TAF1B: variants seen among roughly 807,000 people sequenced by gnomAD.
TAF1B encodes TATA-box binding protein associated factor, RNA polymerase I subunit B.
In TAF1B, 61 loss-of-function variants were observed where a neutral mutation model predicts 83.9. The ratio of observed to expected loss-of-function variants is 0.73; its 90% CI spans 0.59 to 0.90. The LOEUF (loss-of-function observed/expected upper bound fraction) is 0.90. Ranked by LOEUF, TAF1B falls within the 40% of genes least tolerant of loss-of-function variation. The pLI, the probability that TAF1B is intolerant of heterozygous loss-of-function variation, is 0.00. For synonymous variants in TAF1B, 221 were observed against 224.6 expected (o/e 0.98, Z 0.14); for missense variants, 625 against 677.0 (o/e 0.92, Z 0.85).
At chr2:9,905,055 A>T in intron 9 of TAF1B, 49 bp downstream of exon 9, 1 of 1,522,034 alleles carries the variant, frequency 6.6e-7, no homozygotes, top group Non-Finnish European at 9.0e-7. Flanking sequence ...GTAGAGTAAT[A>T]ATAAGCAGAG....
intron 8 of TAF1B, among the ~76,000 whole-genome samples, chr2:9,896,620 CAAA>C (rs71391108): frequency 6.3e-4 from 42 of 66,518 alleles, no homozygotes; most frequent in Middle Eastern, 0.01. Flanking sequence ...ATCTAAAAAC[CAAA>C]AAAAAAAAAA....
At chr2:9,862,630 GAC>G (rs1286033529) in intron 5 of TAF1B, among the ~76,000 whole-genome samples, 2 of 152,108 alleles carry the variant, frequency 1.3e-5, no homozygotes, top group Non-Finnish European at 2.9e-5. Flanking sequence ...GCAACTCCAA[GAC>G]ACATAATTGT....
chr2:9,933,012 T>G (rs1666264578), intron 14 of TAF1B, among the ~76,000 whole-genome samples: 1 of 152,248 alleles, frequency 6.6e-6, no homozygotes. Flanking sequence ...GTGTGCCGTT[T>G]GCTAAGACCA....
intron 7 of TAF1B, 150 bp from the exon 8 acceptor site, chr2:9,882,556 A>T (rs986098479): frequency 1.0e-5 from 5 of 477,844 alleles, no homozygotes; most frequent in Non-Finnish European, 1.8e-5. Context: ...AATAGATATG[A>T]TTAGATTTAT....
At chr2:9,859,737 A>T (rs1380329482) in intron 5 of TAF1B, among the ~76,000 whole-genome samples, 1 of 152,072 alleles carries the variant, frequency 6.6e-6, no homozygotes, top group African/African-American at 2.4e-5. Context: ...GAATTTCCAA[A>T]CTTTCTTTCA....
intron 8 of TAF1B, among the ~76,000 whole-genome samples, chr2:9,886,338 G>A (rs1013922505): frequency 3.3e-5 from 5 of 152,206 alleles, no homozygotes; most frequent in African/African-American, 9.6e-5. Flanking sequence ...AGCTATACTC[G>A]CTCCTTCATT....
chr2:9,930,929 T>C (rs1666191046), intron 14 of TAF1B, among the ~76,000 whole-genome samples: 1 of 152,224 alleles, frequency 6.6e-6, no homozygotes, highest in South Asian at 2.1e-4. Flanking sequence ...GTAATGGCCT[T>C]CTTTATTTCT....
intron 5 of TAF1B, among the ~76,000 whole-genome samples, chr2:9,854,717 TA>T (rs2125137208): frequency 6.6e-6 from 1 of 152,380 alleles, no homozygotes; most frequent in Admixed American, 6.5e-5. Flanking sequence ...TCTATCACTG[TA>T]CTATTAAAAT....
chr2:9,865,341 T>A (rs1663935434), intron 5 of TAF1B, among the ~76,000 whole-genome samples: 1 of 152,212 alleles, frequency 6.6e-6, no homozygotes, highest in Non-Finnish European at 1.5e-5. Context: ...CCATTCACAG[T>A]TGCTTCAAAG....
intron 4 of TAF1B, among the ~76,000 whole-genome samples, chr2:9,854,024 A>C (rs1050086477): frequency 2.0e-5 from 3 of 152,160 alleles, no homozygotes; most frequent in African/African-American, 7.2e-5. Flanking sequence ...GGCAGGTAAG[A>C]ATACATTTAG....
intron 6 of TAF1B, among the ~76,000 whole-genome samples, chr2:9,870,420 G>T (rs1215723695): frequency 6.6e-6 from 1 of 152,158 alleles, no homozygotes; most frequent in African/African-American, 2.4e-5. Context: ...CCAGGAGGTC[G>T]AGGCTGTAGT....
At chr2:9,926,525 G>T (rs1259781445) in intron 14 of TAF1B, among the ~76,000 whole-genome samples, 1 of 152,162 alleles carries the variant, frequency 6.6e-6, no homozygotes, top group Non-Finnish European at 1.5e-5. Flanking sequence ...TAGCCTATAT[G>T]TTGATGTAGT....
intron 8 of TAF1B, among the ~76,000 whole-genome samples, chr2:9,891,026 C>T (rs1664856482): frequency 6.6e-6 from 1 of 152,232 alleles, no homozygotes; most frequent in Admixed American, 6.5e-5. Flanking sequence ...CCCGCCTCAG[C>T]CTCCCCAAGT....
At chr2:9,866,963 C>T (rs1663999909) in intron 5 of TAF1B, among the ~76,000 whole-genome samples, 1 of 152,030 alleles carries the variant, frequency 6.6e-6, no homozygotes, top group African/African-American at 2.4e-5. Context: ...GGAGGGATAG[C>T]ATTAGGAGAT....
At chr2:9,849,608 A>G in intron 3 of TAF1B, 148 bp downstream of exon 3, 2 of 496,038 alleles carry the variant, frequency 4.0e-6, no homozygotes, top group Non-Finnish European at 6.8e-6. Flanking sequence ...CTATGTCTGT[A>G]TTCATTGTGG....
rs115028297 is a variant in TAF1B, at chr2:9,899,076, T to G, written c.808-5783T>G. 3.2e-3 allele frequency among the ~76,000 whole-genome samples: 490 copies of G among 152,292 alleles called. 3 individuals carry two copies. The highest frequency in any genetic ancestry group is 0.011 in the African/African-American group (470 of 41,558). On this transcript the variant is annotated intron_variant, in intron 8 of 14. Coordinates refer to ENST00000263663, the MANE Select transcript of TAF1B (RefSeq NM_005680.3). ...TCAGTGGTATTAAGTGTATTTATAT[T>G]TTTGTGCATCCATCACCACCATCCA...
At chr2:9,927,740 T>A (rs1666085895) in intron 14 of TAF1B, among the ~76,000 whole-genome samples, 1 of 152,248 alleles carries the variant, frequency 6.6e-6, no homozygotes, top group Non-Finnish European at 1.5e-5. Flanking sequence ...TAAATTTGTT[T>A]AAGTTCTTTG....
chr2:9,871,224 C>T (rs1352685102), intron 6 of TAF1B, among the ~76,000 whole-genome samples: 3 of 152,122 alleles, frequency 2.0e-5, no homozygotes, highest in African/African-American at 4.8e-5. Context: ...GGACTACAGG[C>T]GCCCGCCACC....
intron 11 of TAF1B, 113 bp downstream of exon 11, chr2:9,911,670 G>T: frequency 1.7e-6 from 1 of 595,550 alleles, no homozygotes; most frequent in Non-Finnish European, 2.7e-6. Context: ...ATAAACACAT[G>T]TATACAAATT....
Sources: gnomAD v4.1 joint callset for allele counts (sites outside exome capture counted in the v4.1 genomes callset) on GRCh38, gnomAD v4.1.1 for gene constraint, MANE v1.5 for transcripts, NCBI Gene and HGNC (gene_info 2026-07-23, HGNC 2026-07-21) for gene names.